The following PTPRT variants were observed in gnomAD, a reference collection of about 807,000 sequenced individuals.
PTPRT encodes the protein protein tyrosine phosphatase receptor type T, also known as receptor-type tyrosine-protein phosphatase T.
Under a neutral mutation model 176.8 loss-of-function variants are expected in PTPRT, and 56 were observed. That is an observed-to-expected ratio of 0.32 (90% CI 0.26 to 0.40). The LOEUF (loss-of-function observed/expected upper bound fraction) is 0.40, where lower values mean the gene tolerates loss of function less well. Among genes scored for constraint, PTPRT ranks in the 10% least tolerant of loss-of-function variants. The pLI, the probability that PTPRT is intolerant of heterozygous loss-of-function variation, is 1.00. For missense variants in PTPRT, 1,540 were observed against 1,908.2 expected, an observed-to-expected ratio of 0.81 and a Z score of 3.60; for synonymous variants, 783 against 739.0, an observed-to-expected ratio of 1.06 and a Z score of -0.96.
intron 7 of PTPRT, among the ~76,000 whole-genome samples, chr20:42,579,713 G>A (rs1045722392): frequency 6.6e-6 from 1 of 152,184 alleles, no homozygotes; most frequent in African/African-American, 2.4e-5. Context: ...CTTCTTTTAA[G>A]AAGTGTCTGT....
chr20:42,757,018 C>T (rs2076843467), intron 5 of PTPRT, among the ~76,000 whole-genome samples: 2 of 147,778 alleles, frequency 1.4e-5, no homozygotes, highest in South Asian at 4.3e-4. Context: ...CCACTGCACT[C>T]TACCCTGGGT....
At chr20:42,241,457 G>A (rs1465546635) in intron 14 of PTPRT, among the ~76,000 whole-genome samples, 1 of 152,094 alleles carries the variant, frequency 6.6e-6, no homozygotes, top group East Asian at 1.9e-4. Context: ...GGAAAACCCA[G>A]GAAGTCATGT....
chr20:42,856,708 T>C (rs940779833), intron 2 of PTPRT, among the ~76,000 whole-genome samples: 4 of 151,870 alleles, frequency 2.6e-5, no homozygotes, highest in Non-Finnish European at 5.9e-5. Flanking sequence ...AAAATGCATA[T>C]ACTATTAGGG....
chr20:42,734,529 G>A (rs1281450455), intron 6 of PTPRT, among the ~76,000 whole-genome samples: 1 of 152,170 alleles, frequency 6.6e-6, no homozygotes, highest in East Asian at 1.9e-4. Context: ...AGCATGGCAG[G>A]ATCCCAGGGG....
chr20:43,106,129 C>G (rs2146333207), intron 1 of PTPRT, among the ~76,000 whole-genome samples: 1 of 152,232 alleles, frequency 6.6e-6, no homozygotes, highest in East Asian at 1.9e-4. Flanking sequence ...GCAGTAGGAA[C>G]AGCATGAACC....
intron 7 of PTPRT, among the ~76,000 whole-genome samples, chr20:42,529,589 C>G (rs6124470): frequency 6.6e-6 from 1 of 152,190 alleles, no homozygotes; most frequent in East Asian, 1.9e-4. Flanking sequence ...CAGGTTCAAG[C>G]GATTCTCCTG....
the PTPRT span, among the ~76,000 whole-genome samples, chr20:42,059,967 C>T: frequency 1.3e-5 from 2 of 152,134 alleles, no homozygotes; most frequent in South Asian, 4.1e-4. Context: ...TCCCAGGGCC[C>T]TTCTTGTCTC....
intron 27 of PTPRT, among the ~76,000 whole-genome samples, chr20:42,087,154 C>T (rs1984050932): frequency 6.6e-6 from 1 of 151,696 alleles, no homozygotes; most frequent in Non-Finnish European, 1.5e-5. Flanking sequence ...CACAGATTAG[C>T]TCCCCCCGAG....
intron 1 of PTPRT, among the ~76,000 whole-genome samples, chr20:43,105,624 T>C (rs577501421): frequency 6.6e-6 from 1 of 152,202 alleles, no homozygotes; most frequent in East Asian, 1.9e-4. Context: ...TGGCTCAAAT[T>C]CCTGAGCTCA....
At chr20:43,011,878 TG>T (rs1188600365) in intron 1 of PTPRT, among the ~76,000 whole-genome samples, 1 of 152,192 alleles carries the variant, frequency 6.6e-6, no homozygotes, top group Non-Finnish European at 1.5e-5. Context: ...TGGAAGGACT[TG>T]ACTTGCTGAG....
intron 1 of PTPRT, among the ~76,000 whole-genome samples, chr20:43,094,429 G>A (rs571831515): frequency 1.3e-4 from 12 of 90,108 alleles, no homozygotes; most frequent in Admixed American, 3.5e-4. Context: ...ACGGAGTTTC[G>A]CTCTTGTTGC....
intron 6 of PTPRT, among the ~76,000 whole-genome samples, chr20:42,738,053 G>A (rs565469894): frequency 2.8e-4 from 43 of 152,190 alleles, no homozygotes; most frequent in African/African-American, 1.0e-3. Flanking sequence ...CTTTGTAGAG[G>A]GTATGACAGG....
intron 1 of PTPRT, among the ~76,000 whole-genome samples, chr20:42,990,106 C>T (rs142753706): frequency 0.011 from 1,723 of 152,298 alleles, 20 homozygotes; most frequent in South Asian, 0.048. Context: ...AAGCCGTCAC[C>T]GTTTCAAAGA....
chr20:42,952,324 G>T lies in PTPRT; in HGVS notation c.89-66392C>A, dbSNP rs142288660. 3.9e-3 allele frequency among the ~76,000 whole-genome samples: 591 copies of T among 152,328 alleles called. 7 individuals carry two copies. In the Middle Eastern group the frequency reaches 0.044, roughly 11 times the overall value. ...AGAATCAAAGGGCTGCATAAACTAG[G>T]ATTGTGTCCTCCTCCATCAGAATCA... On this transcript the variant is annotated intron_variant, in intron 1 of 30. Coordinates refer to ENST00000373187, the MANE Select transcript of PTPRT (RefSeq NM_007050.6).
chr20:42,138,513 T>G (rs1445046437), intron 18 of PTPRT, among the ~76,000 whole-genome samples: 1 of 152,222 alleles, frequency 6.6e-6, no homozygotes, highest in Non-Finnish European at 1.5e-5. Context: ...TATAAAGAAC[T>G]GATCCCAGAA....
chr20:42,935,686 C>A (rs1980142652), intron 1 of PTPRT, among the ~76,000 whole-genome samples: 1 of 152,152 alleles, frequency 6.6e-6, no homozygotes, highest in African/African-American at 2.4e-5. Context: ...CTGCTATGGA[C>A]CAAACATTTC....
intron 7 of PTPRT, among the ~76,000 whole-genome samples, chr20:42,508,668 C>T (rs1239528084): frequency 1.3e-5 from 2 of 151,800 alleles, no homozygotes; most frequent in Non-Finnish European, 2.9e-5. Flanking sequence ...ACTTTCCCAT[C>T]GTGCCATAGC....
At chr20:42,369,593 T>C (rs1568818957) in intron 9 of PTPRT, among the ~76,000 whole-genome samples, 1 of 152,078 alleles carries the variant, frequency 6.6e-6, no homozygotes, top group Non-Finnish European at 1.5e-5. Context: ...GGCCCAGAGA[T>C]AGTGGGGGCC....
At chr20:42,708,201 G>T (rs2076090107) in intron 6 of PTPRT, among the ~76,000 whole-genome samples, 2 of 152,076 alleles carry the variant, frequency 1.3e-5, no homozygotes, top group East Asian at 1.9e-4. Flanking sequence ...AAGAGACTTT[G>T]GATGTACTAG....
Sources: gnomAD v4.1 joint callset for allele counts (sites outside exome capture counted in the v4.1 genomes callset) on GRCh38, gnomAD v4.1.1 for gene constraint, MANE v1.5 for transcripts, NCBI Gene and HGNC (gene_info 2026-07-23, HGNC 2026-07-21) for gene names.